Variants in CDH4 observed in about 807,000 individuals in gnomAD.
CDH4 encodes the protein cadherin-4.
Under a neutral mutation model 86.0 loss-of-function variants are expected in CDH4, and 33 were observed. The ratio of observed to expected loss-of-function variants is 0.38; its 90% CI spans 0.29 to 0.51. The LOEUF is 0.51. CDH4 is among the 20% of genes least tolerant of loss of function. The pLI, the probability that CDH4 is intolerant of heterozygous loss-of-function variation, is 0.86. For synonymous variants in CDH4, 555 were observed against 549.4 expected, an observed-to-expected ratio of 1.01 and a Z score of -0.14; for missense variants, 1,114 against 1,307.4, an observed-to-expected ratio of 0.85 and a Z score of 2.28.
At chr20:61,795,132 G>GTGATGATGATGGTAGTGAT (rs1568820237) in intron 4 of CDH4, among the ~76,000 whole-genome samples, 1 of 133,510 alleles carries the variant, frequency 7.5e-6, no homozygotes, top group Non-Finnish European at 1.6e-5. Context: ...GGTGATGATG[G>GTGATGATGATGGTAGTGAT]AAATGATGGT....
chr20:61,867,435 A>G lies in CDH4; in HGVS notation c.878-6293A>G, dbSNP rs143826431. Among the ~76,000 whole-genome samples, 1,352 of 152,052 alleles carry G rather than the reference A, an allele frequency of 8.9e-3. 25 individuals are homozygous for G. Among genetic ancestry groups the G allele is most frequent in the African/African-American group, 0.03 (1,253 of 41,482 alleles). On this transcript the variant is annotated intron_variant, in intron 6 of 15. Coordinates refer to ENST00000614565, the MANE Select transcript of CDH4 (RefSeq NM_001794.5). ...CATGTTGGTGCACTCCTGTGATCTC[A>G]GCTACTTGGGAGGCTGAGGCAGGGG... is the stretch of plus-strand genomic sequence containing the variant.
intron 2 of CDH4, among the ~76,000 whole-genome samples, chr20:61,306,483 C>A (rs558301676): frequency 2.0e-5 from 3 of 152,094 alleles, no homozygotes; most frequent in South Asian, 4.2e-4. Flanking sequence ...ATTACAGGTG[C>A]CTGCCTCTAT....
At chr20:61,523,719 G>A (rs899415004) in intron 2 of CDH4, among the ~76,000 whole-genome samples, 3 of 152,226 alleles carry the variant, frequency 2.0e-5, no homozygotes, top group Non-Finnish European at 4.4e-5. Flanking sequence ...TTAGGGAAGA[G>A]ACACCACCCG....
At chr20:61,648,580 TTTTCCCA>T (rs796658244) in intron 2 of CDH4, among the ~76,000 whole-genome samples, 44 of 152,314 alleles carry the variant, frequency 2.9e-4, no homozygotes, top group African/African-American at 1.0e-3. Flanking sequence ...TCGCCCATCC[TTTTCCCA>T]TTTCCCATGT....
At chr20:61,744,446 GAGGGAGAGAGAGAAGGAGGGAGAGAGA>G (rs2088385782) in intron 3 of CDH4, among the ~76,000 whole-genome samples, 1 of 61,446 alleles carries the variant, frequency 1.6e-5, no homozygotes, top group Non-Finnish European at 3.1e-5. Context: ...GAGAGGAAGA[GAGGGAGAGAGAGAAGGAGGGAGAGAGA>G]TGGAGAGAGG....
chr20:61,831,307 C>T (rs1400447905), intron 4 of CDH4, among the ~76,000 whole-genome samples: 1 of 152,208 alleles, frequency 6.6e-6, no homozygotes, highest in Non-Finnish European at 1.5e-5. Context: ...CAGCAAAGAC[C>T]TGGCCCACTT....
chr20:61,880,968 C>A (rs561138769), intron 7 of CDH4, among the ~76,000 whole-genome samples: 18 of 152,288 alleles, frequency 1.2e-4, no homozygotes, highest in African/African-American at 4.1e-4. Context: ...CATGGGGGAC[C>A]CTGGATGGCA....
chr20:61,846,331 C>T (rs1032825094), intron 5 of CDH4, among the ~76,000 whole-genome samples: 1 of 152,240 alleles, frequency 6.6e-6, no homozygotes, highest in Admixed American at 6.5e-5. Flanking sequence ...CCAGAGACTC[C>T]GGCTGACGCC....
At chr20:61,378,110 T>C (rs2084881918) in intron 2 of CDH4, among the ~76,000 whole-genome samples, 1 of 151,998 alleles carries the variant, frequency 6.6e-6, no homozygotes, top group South Asian at 2.1e-4. Context: ...AAATATAAGC[T>C]GGGCATGGTG....
Position 61,798,935 on chromosome 20 carries a change from G to A in CDH4, c.576+25753G>A, listed in dbSNP as rs959979964. Among the ~76,000 whole-genome samples the A allele has an allele frequency of 7.9e-5, 12 of 152,210 alleles. No individual in the cohort carries two copies. The East Asian group carries it at 9.6e-4, about 12-fold the overall frequency. On this transcript the variant is annotated intron_variant, in intron 4 of 15. Coordinates refer to ENST00000614565, the MANE Select transcript of CDH4 (RefSeq NM_001794.5). ...CGACCCGATGACCCGGGCTCCTTTC[G>A]CGACACAGGGCAAGGGCTGACAGCT...
intron 2 of CDH4, among the ~76,000 whole-genome samples, chr20:61,445,810 T>C (rs2427103): frequency 0.62 from 94,983 of 152,224 alleles, 30,486 homozygotes; most frequent in African/African-American, 0.78. Context: ...CTGGACGCCA[T>C]GGTCCTTCGC....
Position 61,291,656 on chromosome 20 carries a change from C to T in CDH4, c.169+36719C>T, listed in dbSNP as rs997248935. Among the ~76,000 whole-genome samples the T allele has an allele frequency of 6.7e-5, 10 of 148,284 alleles. No homozygotes were observed. In the South Asian group the frequency reaches 1.3e-3, roughly 20 times the overall value. ...CCACAAGGCCAAACATGCGGGCACC[C>T]GCGCCAGGCCACCAGGTTACCGGGG... On this transcript the variant is annotated intron_variant, in intron 2 of 15. Coordinates refer to ENST00000614565, the MANE Select transcript of CDH4 (RefSeq NM_001794.5).
intron 2 of CDH4, among the ~76,000 whole-genome samples, chr20:61,310,551 G>A (rs901471241): frequency 6.6e-6 from 1 of 152,196 alleles, no homozygotes; most frequent in Admixed American, 6.5e-5. Context: ...TCTGAGAGGA[G>A]GCGGAGCTCA....
intron 2 of CDH4, among the ~76,000 whole-genome samples, chr20:61,283,560 A>G (rs1468164795): frequency 8.6e-6 from 1 of 116,850 alleles, no homozygotes; most frequent in Non-Finnish European, 1.8e-5. Flanking sequence ...GTGGTGTGTG[A>G]TGTAGGTGCA....
chr20:61,340,898 G>T (rs186076231), intron 2 of CDH4, among the ~76,000 whole-genome samples: 54 of 152,270 alleles, frequency 3.5e-4, no homozygotes, highest in Non-Finnish European at 6.9e-4. Context: ...CCCAGTAAGG[G>T]CTACATTAGC....
chr20:61,414,649 T>C lies in CDH4; in HGVS notation c.169+159712T>C, dbSNP rs1415961550. 2.0e-5 allele frequency among the ~76,000 whole-genome samples: 3 copies of C among 152,144 alleles called. No individual in the cohort carries two copies. In the East Asian group the frequency reaches 5.8e-4, roughly 29 times the overall value. On this transcript the variant is annotated intron_variant, in intron 2 of 15. Transcript: ENST00000614565. ...TGTGATGGGGTGGTGGAGGGGGGCA[T>C]TGCTATAAACAGGGGCTTGCTGGCA...
intron 2 of CDH4, among the ~76,000 whole-genome samples, chr20:61,302,284 G>T (rs2084389945): frequency 6.6e-6 from 1 of 152,236 alleles, no homozygotes; most frequent in African/African-American, 2.4e-5. Flanking sequence ...TCACGTTCCT[G>T]TGTGTGCAGT....
At chr20:61,584,666 A>G (rs1172650020) in intron 2 of CDH4, among the ~76,000 whole-genome samples, 3 of 152,154 alleles carry the variant, frequency 2.0e-5, no homozygotes, top group Non-Finnish European at 4.4e-5. Context: ...ATATAACACG[A>G]GCTCAGCAGA....
intron 1 of CDH4, among the ~76,000 whole-genome samples, chr20:61,254,441 C>G (rs139249735): frequency 6.6e-6 from 1 of 152,082 alleles, no homozygotes; most frequent in Non-Finnish European, 1.5e-5. Flanking sequence ...TGAGCAGAGC[C>G]GCCCACACTT....
Sources: gnomAD v4.1 joint callset for allele counts (sites outside exome capture counted in the v4.1 genomes callset) on GRCh38, gnomAD v4.1.1 for gene constraint, MANE v1.5 for transcripts, NCBI Gene and HGNC (gene_info 2026-07-23, HGNC 2026-07-21) for gene names.